The following PRELID2 variants were observed in gnomAD, a reference collection of about 807,000 sequenced individuals.
PRELID2 encodes the protein PRELI domain-containing protein 2.
In PRELID2, 25 loss-of-function variants were observed where a neutral mutation model predicts 28.4. That is an observed-to-expected ratio of 0.88 (90% CI 0.64 to 1.23). The LOEUF (loss-of-function observed/expected upper bound fraction) is 1.23. Among genes scored for constraint, PRELID2 ranks in the 50% most tolerant of loss-of-function variants. The pLI is 0.00. For synonymous variants in PRELID2, 76 were observed against 71.6 expected (o/e 1.06, Z -0.31); for missense variants, 201 against 214.4 (o/e 0.94, Z 0.39).
intron 1 of PRELID2, among the ~76,000 whole-genome samples, chr5:145,578,854 A>C (rs544142720): frequency 6.6e-6 from 1 of 152,190 alleles, no homozygotes; most frequent in East Asian, 1.9e-4. Flanking sequence ...AATTAACCCA[A>C]TTTTATAAAT....
At chr5:145,714,982 AC>A (rs1012409697) in intron 1 of PRELID2, among the ~76,000 whole-genome samples, 1 of 151,734 alleles carries the variant, frequency 6.6e-6, no homozygotes, top group Non-Finnish European at 1.5e-5. Flanking sequence ...TTAATCCTAG[AC>A]CTCTTTCTCC....
chr5:145,769,756 T>C (rs1304565148), intron 5 of PRELID2, among the ~76,000 whole-genome samples: 1 of 152,148 alleles, frequency 6.6e-6, no homozygotes, highest in Non-Finnish European at 1.5e-5. Flanking sequence ...GCACCCACTG[T>C]GTGTAAGGAA....
chr5:145,233,776 C>A, the PRELID2 span, among the ~76,000 whole-genome samples: 2 of 152,110 alleles, frequency 1.3e-5, no homozygotes, highest in Non-Finnish European at 2.9e-5. Context: ...ACTAAGAAAG[C>A]AATTCTATTA....
At chr5:145,619,142 C>T (rs1753740161) in intron 1 of PRELID2, among the ~76,000 whole-genome samples, 1 of 152,188 alleles carries the variant, frequency 6.6e-6, no homozygotes, top group Non-Finnish European at 1.5e-5. Context: ...CTTAGTTCTT[C>T]CCCCACGTGT....
chr5:145,453,927 G>A, the PRELID2 span, among the ~76,000 whole-genome samples: 302 of 152,072 alleles, frequency 2.0e-3, 1 homozygote, highest in Non-Finnish European at 3.7e-3. Context: ...ATAAACATAC[G>A]TGTGCATATG....
chr5:145,627,162 C>G (rs974281749), intron 1 of PRELID2, among the ~76,000 whole-genome samples: 32 of 118,254 alleles, frequency 2.7e-4, no homozygotes, highest in Middle Eastern at 6.1e-3. Context: ...GTATATATAC[C>G]GTGGAATACA....
the PRELID2 span, among the ~76,000 whole-genome samples, chr5:145,462,157 A>G: frequency 6.6e-6 from 1 of 152,224 alleles, no homozygotes; most frequent in Non-Finnish European, 1.5e-5. Context: ...GTACGTAAGC[A>G]TGACAAAAAG....
At chr5:145,605,182 T>C (rs1753486168) in intron 1 of PRELID2, among the ~76,000 whole-genome samples, 1 of 151,916 alleles carries the variant, frequency 6.6e-6, no homozygotes, top group Non-Finnish European at 1.5e-5. Flanking sequence ...TTTAATTAGG[T>C]CTCATTTGTC....
chr5:145,669,719 C>G (rs1460830413), intron 1 of PRELID2, among the ~76,000 whole-genome samples: 1 of 152,128 alleles, frequency 6.6e-6, no homozygotes, highest in African/African-American at 2.4e-5. Flanking sequence ...TCTCCAGTAG[C>G]CTCTCTCTGT....
chr5:145,625,212 A>G (rs2149654573), intron 1 of PRELID2, among the ~76,000 whole-genome samples: 1 of 152,260 alleles, frequency 6.6e-6, no homozygotes, highest in East Asian at 1.9e-4. Flanking sequence ...ATGAACTAGC[A>G]ATTATACTAC....
At chr5:145,779,207 G>A (rs891408628) in intron 5 of PRELID2, among the ~76,000 whole-genome samples, 2 of 152,190 alleles carry the variant, frequency 1.3e-5, no homozygotes, top group East Asian at 3.9e-4. Context: ...GATGTGCTAG[G>A]TACTAAGGAT....
chr5:145,776,502 G>A (rs896343168), intron 5 of PRELID2, among the ~76,000 whole-genome samples: 2 of 152,204 alleles, frequency 1.3e-5, no homozygotes, highest in Non-Finnish European at 2.9e-5. Flanking sequence ...AGGTTGCTAA[G>A]ATCTATGGTA....
chr5:145,434,140 T>G, the PRELID2 span, among the ~76,000 whole-genome samples: 1 of 152,302 alleles, frequency 6.6e-6, no homozygotes, highest in South Asian at 2.1e-4. Context: ...TCCCTCATCC[T>G]CATGCAATTC....
chr5:145,513,698 T>A (rs1358566984), intron 1 of PRELID2, among the ~76,000 whole-genome samples: 1 of 152,108 alleles, frequency 6.6e-6, no homozygotes, highest in African/African-American at 2.4e-5. Flanking sequence ...AATTGTCAGA[T>A]TTACCATGCT....
At chr5:145,615,106 C>G (rs57642205) in intron 1 of PRELID2, among the ~76,000 whole-genome samples, 26,714 of 152,034 alleles carry the variant, frequency 0.18, 3,933 homozygotes, top group African/African-American at 0.39. Context: ...ATGCATATAT[C>G]TTTAGGACTG....
the PRELID2 span, among the ~76,000 whole-genome samples, chr5:145,255,830 A>C: frequency 2.6e-5 from 4 of 151,960 alleles, no homozygotes; most frequent in Admixed American, 6.6e-5. Context: ...GAGAGTAAAA[A>C]TAATAGAACA....
At chr5:145,522,483 C>T (rs1752571466) in intron 1 of PRELID2, among the ~76,000 whole-genome samples, 1 of 151,830 alleles carries the variant, frequency 6.6e-6, no homozygotes, top group Admixed American at 6.6e-5. Flanking sequence ...CACAGAGAGA[C>T]AGAGAAGAGT....
chr5:145,297,023 A>T, the PRELID2 span, among the ~76,000 whole-genome samples: 1 of 151,988 alleles, frequency 6.6e-6, no homozygotes, highest in African/African-American at 2.4e-5. Context: ...TCCTTCGCCC[A>T]CTTTTTGATG....
chr5:145,345,647 T>C, the PRELID2 span, among the ~76,000 whole-genome samples: 1 of 152,008 alleles, frequency 6.6e-6, no homozygotes, highest in African/African-American at 2.4e-5. Context: ...CAGCACCACA[T>C]ATAAACAGAC....
Sources: allele counts gnomAD v4.1 joint callset (sites outside exome capture counted in the v4.1 genomes callset), GRCh38; gene constraint gnomAD v4.1.1; transcripts MANE v1.5; gene names NCBI Gene and HGNC (gene_info 2026-07-23, HGNC 2026-07-21).